Variants in MROH9 observed in about 807,000 individuals in gnomAD.
MROH9 encodes the protein maestro heat like repeat family member 9.
Under a neutral mutation model 98.2 loss-of-function variants are expected in MROH9, and 92 were observed. The ratio of observed to expected loss-of-function variants is 0.94; its 90% CI spans 0.79 to 1.11. The LOEUF (loss-of-function observed/expected upper bound fraction) is 1.11, where lower values mean the gene tolerates loss of function less well. Ranked by LOEUF, MROH9 falls within the 50% of genes most tolerant of loss-of-function variation. The pLI is 0.00. For synonymous variants in MROH9, 397 were observed against 368.9 expected, an observed-to-expected ratio of 1.08 and a Z score of -0.87; for missense variants, 1,057 against 1,014.8, an observed-to-expected ratio of 1.04 and a Z score of -0.57.
chr1:170,990,051 G>C (rs375294245), intron 11 of MROH9, 48 bp downstream of exon 11: 158 of 1,548,646 alleles, frequency 1.0e-4, no homozygotes, highest in Non-Finnish European at 1.3e-4. Flanking sequence ...TTGTTCACAG[G>C]CTGCACTGTC....
intron 3 of MROH9, among the ~76,000 whole-genome samples, chr1:170,953,861 AAG>A (rs142129185): frequency 0.35 from 46,962 of 134,984 alleles, 7,903 homozygotes; most frequent in African/African-American, 0.46. Flanking sequence ...AAGAGAAAGA[AAG>A]AGAGAGAGAG....
At chr1:170,976,652 CAT>C (rs1405577461) in intron 8 of MROH9, among the ~76,000 whole-genome samples, 2 of 152,008 alleles carry the variant, frequency 1.3e-5, no homozygotes, top group African/African-American at 4.8e-5. Context: ...GAGGCTGAGG[CAT>C]ATAAAAAAAT....
intron 17 of MROH9, 102 bp from the exon 18 acceptor site, chr1:171,024,293 A>G: frequency 1.4e-6 from 1 of 721,872 alleles, no homozygotes; most frequent in Non-Finnish European, 2.1e-6. Flanking sequence ...TATATAGTAT[A>G]TTTATATGGG....
rs192905777 is a variant in MROH9 at position 171,027,875 on chromosome 1, C to G, written c.2281+2455C>G. Reference sequence around the variant, plus strand: ...TCTTTTCAGAAGTGTCTATTCATATCCTTTGCCCACTTTTTGAGGGGGTTG... The same window carrying G: ...TCTTTTCAGAAGTGTCTATTCATATGCTTTGCCCACTTTTTGAGGGGGTTG... On this transcript the variant is annotated intron_variant, in intron 20 of 21. Coordinates refer to ENST00000367759, the MANE Select transcript of MROH9 (RefSeq NM_001163629.2). 5.3e-5 allele frequency among the ~76,000 whole-genome samples: 8 copies of G among 152,144 alleles called. No individual in the cohort carries two copies. The East Asian group carries it at 1.5e-3, about 29-fold the overall frequency.
At chr1:170,957,121 GTCTT>G (rs1294593473) in intron 3 of MROH9, among the ~76,000 whole-genome samples, 2 of 149,400 alleles carry the variant, frequency 1.3e-5, no homozygotes, top group South Asian at 2.1e-4. Context: ...TCCATAGGTT[GTCTT>G]TCTAATTTTA....
intron 14 of MROH9, 82 bp from the exon 15 acceptor site, chr1:170,998,072 A>G: frequency 2.8e-6 from 3 of 1,065,190 alleles, no homozygotes; most frequent in Non-Finnish European, 4.1e-6. Context: ...GGTGCAAGAT[A>G]TTAGAATAAT....
At chr1:170,985,171 C>T (rs892757480) in intron 9 of MROH9, among the ~76,000 whole-genome samples, 5 of 152,020 alleles carry the variant, frequency 3.3e-5, no homozygotes, top group African/African-American at 9.7e-5. Context: ...ACCAAATAAA[C>T]TAATAGTGTC....
At chr1:170,997,170 C>T (rs914089575) in intron 14 of MROH9, among the ~76,000 whole-genome samples, 16 of 152,066 alleles carry the variant, frequency 1.1e-4, no homozygotes, top group African/African-American at 3.4e-4. Flanking sequence ...AATCAAAATA[C>T]GGGCTGTTGA....
chr1:171,014,147 C>T lies in MROH9; in HGVS notation c.1627C>T (p.Pro543Ser), dbSNP rs1388589038. 7 of 1,550,954 alleles carry T rather than the reference C, an allele frequency of 4.5e-6. No homozygotes were observed. Among genetic ancestry groups the T allele is most frequent in the Non-Finnish European group, 5.2e-6 (6 of 1,146,604 alleles). ...LLNNFFKDPL[P>S]EEFLVLFINW... is the part of the protein sequence containing the mutation. The stretch of plus-strand genomic sequence containing the variant: ...GAATAACTTCTTCAAGGACCCTTTA[C>T]CAGAAGAATTTTTGGTCCTCTTCAT... Residue 543 changes from proline (P) to serine (S), a missense_variant, in exon 16 of 22, where the codon CCA (proline) becomes TCA (serine). Transcript: ENST00000367759.
intron 15 of MROH9, among the ~76,000 whole-genome samples, chr1:171,004,832 A>G (rs999755940): frequency 1.3e-5 from 2 of 151,940 alleles, no homozygotes; most frequent in Non-Finnish European, 2.9e-5. Context: ...CCATGGGTCA[A>G]TATGTCTGTT....
chr1:171,033,729 T>G (rs762822474), intron 20 of MROH9, among the ~76,000 whole-genome samples: 28 of 152,168 alleles, frequency 1.8e-4, no homozygotes, highest in Admixed American at 3.9e-4. Flanking sequence ...TATTCGGCCA[T>G]CTATTCGGCT....
At chr1:171,039,632 G>T (rs770563247) in intron 20 of MROH9, among the ~76,000 whole-genome samples, 1 of 152,116 alleles carries the variant, frequency 6.6e-6, no homozygotes, top group African/African-American at 2.4e-5. Flanking sequence ...TGTTAGCTGG[G>T]TGGCCAGCTA....
intron 20 of MROH9, among the ~76,000 whole-genome samples, chr1:171,060,617 G>A (rs984007791): frequency 2.6e-5 from 4 of 152,100 alleles, no homozygotes; most frequent in Non-Finnish European, 5.9e-5. Context: ...CACAATTTAC[G>A]TCTAGGTGAC....
At position 170,992,243 on chromosome 1, in the gene MROH9, C is replaced by T. The variant is rs1651384879; in HGVS notation, c.1108C>T (p.Leu370=). ...PHVLKTILLI[L]KGKPGEMEDT... ...CGTGCTGAAGACAATCTTATTGATA[C>T]TGAAAGGAAAGCCTGGGGAAATGGA... Residue 370 remains leucine, a synonymous_variant, in exon 12 of 22, where the codon CTG becomes TTG. Transcript: ENST00000367759. 1.2e-6 allele frequency: 2 copies of T among 1,613,378 alleles called. No homozygotes were observed. Among genetic ancestry groups the T allele is most frequent in the Non-Finnish European group, 1.7e-6 (2 of 1,179,666 alleles).
chr1:170,947,263 C>A (rs377239813), intron 2 of MROH9, among the ~76,000 whole-genome samples: 1 of 151,996 alleles, frequency 6.6e-6, no homozygotes, highest in African/African-American at 2.4e-5. Flanking sequence ...TTTTATTGAA[C>A]CATCCTCTAT....
intron 8 of MROH9, among the ~76,000 whole-genome samples, chr1:170,980,583 C>T (rs990879131): frequency 6.6e-6 from 1 of 152,162 alleles, no homozygotes; most frequent in African/African-American, 2.4e-5. Flanking sequence ...AAAACTGAAA[C>T]TGGACCCCTT....
chr1:171,001,620 T>C (rs1426865026), intron 15 of MROH9, among the ~76,000 whole-genome samples: 2 of 152,118 alleles, frequency 1.3e-5, no homozygotes, highest in East Asian at 1.9e-4. Flanking sequence ...CTTGATATAA[T>C]TTCAGTTTTC....
chr1:170,986,981 G>T (rs1651162579), intron 10 of MROH9, among the ~76,000 whole-genome samples: 1 of 151,934 alleles, frequency 6.6e-6, no homozygotes, highest in African/African-American at 2.4e-5. Flanking sequence ...CTCCTAAGCA[G>T]CTGGGACTAC....
In MROH9 at chr1:170,989,931, T is replaced by A; in HGVS notation, c.956T>A (p.Ile319Asn). 6.2e-7 allele frequency: 1 copy of A among 1,613,506 alleles called. No homozygotes were observed. Among genetic ancestry groups the A allele is most frequent in the Non-Finnish European group, 8.5e-7 (1 of 1,179,542 alleles). Residue 319 changes from isoleucine (I) to asparagine (N), a missense_variant, in exon 11 of 22, where the codon ATC becomes AAC. By Grantham distance (149) the Ile-to-Asn change is moderately radical. Coordinates refer to ENST00000367759, the MANE Select transcript of MROH9 (RefSeq NM_001163629.2). The stretch of plus-strand genomic sequence containing the variant: ...ATGAAGGATGTTATGTTGCAGGTTA[T>A]CACTTTGTTGACATGCACTTCACCC... ...NCMKDVMLQV[I>N]TLLTCTSPKK...
Sources: allele counts gnomAD v4.1 joint callset (sites outside exome capture counted in the v4.1 genomes callset), GRCh38; gene constraint gnomAD v4.1.1; transcripts MANE v1.5; gene names NCBI Gene and HGNC (gene_info 2026-07-23, HGNC 2026-07-21).